CPNE4: variants seen among roughly 807,000 people sequenced by gnomAD.
The protein encoded by CPNE4 is copine-4.
A neutral mutation model predicts 67.9 loss-of-function variants in CPNE4; 25 were observed. The ratio of observed to expected loss-of-function variants is 0.37; its 90% CI spans 0.27 to 0.51. CPNE4 has a LOEUF of 0.51. Ranked by LOEUF, CPNE4 falls within the 20% of genes least tolerant of loss-of-function variation. The probability of loss-of-function intolerance (pLI) is 0.93; values close to 1 mark genes in which losing one functional copy is unlikely to be tolerated. For missense variants in CPNE4, 464 were observed against 690.8 expected (o/e 0.67, Z 3.68); for synonymous variants, 242 against 244.9 (o/e 0.99, Z 0.11).
chr3:131,632,979 G>A (rs530484124), intron 7 of CPNE4, among the ~76,000 whole-genome samples: 1 of 152,022 alleles, frequency 6.6e-6, no homozygotes, highest in Admixed American at 6.6e-5. Flanking sequence ...CCCCTGAACT[G>A]CTGTCTACTC....
chr3:131,751,453 T>C (rs997210448), intron 2 of CPNE4, among the ~76,000 whole-genome samples: 1 of 152,148 alleles, frequency 6.6e-6, no homozygotes, highest in African/African-American at 2.4e-5. Flanking sequence ...AGCTTTTTAA[T>C]ACCAGTTGTT....
At position 131,927,906 on chromosome 3, in the gene CPNE4, A is replaced by G. The variant is rs181643419; in HGVS notation, c.-1-22462T>C. Among the ~76,000 whole-genome samples, 21 of 152,260 alleles carry G rather than the reference A, an allele frequency of 1.4e-4. No homozygotes were observed. In the East Asian group the frequency reaches 4.1e-3, roughly 29 times the overall value. On this transcript the variant is annotated intron_variant, in intron 1 of 15. Coordinates refer to ENST00000429747, the MANE Select transcript of CPNE4 (RefSeq NM_130808.3). ...GAAAAGTAGTTTTGATATTTTTTCT[A>G]TTTGCATTATTGATGTCATTAACTG... is the stretch of plus-strand genomic sequence containing the variant.
chr3:132,022,071 A>C (rs140041373), intron 1 of CPNE4, among the ~76,000 whole-genome samples: 103 of 152,318 alleles, frequency 6.8e-4, no homozygotes, highest in African/African-American at 1.9e-3. Context: ...TTTCTGCTGA[A>C]GACAGCAAGT....
At chr3:131,982,043 C>T (rs1269301046) in intron 1 of CPNE4, among the ~76,000 whole-genome samples, 1 of 152,150 alleles carries the variant, frequency 6.6e-6, no homozygotes, top group Non-Finnish European at 1.5e-5. Flanking sequence ...ATATGAGCCC[C>T]CGCACACTGC....
chr3:131,710,722 A>T (rs2081536831), intron 3 of CPNE4, among the ~76,000 whole-genome samples: 1 of 152,178 alleles, frequency 6.6e-6, no homozygotes, highest in South Asian at 2.1e-4. Context: ...GACCCCCTGA[A>T]AATCAGTTTC....
chr3:131,829,226 A>C (rs920115413), intron 2 of CPNE4, among the ~76,000 whole-genome samples: 1 of 152,238 alleles, frequency 6.6e-6, no homozygotes. Context: ...GAATACTGGG[A>C]GATACAATTC....
intron 7 of CPNE4, among the ~76,000 whole-genome samples, chr3:131,657,810 C>G (rs895459373): frequency 6.6e-6 from 1 of 151,718 alleles, no homozygotes; most frequent in Non-Finnish European, 1.5e-5. Flanking sequence ...GTGATCTGCC[C>G]GCCTCAGCCT....
intron 1 of CPNE4, among the ~76,000 whole-genome samples, chr3:131,982,251 GAGCCATTTTA>G (rs2072926830): frequency 1.3e-5 from 2 of 152,164 alleles, no homozygotes; most frequent in African/African-American, 2.4e-5. Context: ...CTTAACAGAT[GAGCCATTTTA>G]AACTGGTTAA....
chr3:132,008,747 C>T (rs2073669608), intron 1 of CPNE4, among the ~76,000 whole-genome samples: 1 of 151,978 alleles, frequency 6.6e-6, no homozygotes, highest in African/African-American at 2.4e-5. Context: ...GCTCCAAAAA[C>T]TTATGTTTTT....
Position 131,880,131 on chromosome 3 carries a change from TA to T in CPNE4, c.180+25132del, listed in dbSNP as rs1367924994. ...GGCATATAGTATATATATATATACA[TA>T]TTTTTTTTTTTTGAGACGGAGTTTT... On this transcript the variant is annotated intron_variant, in intron 2 of 15. Transcript: ENST00000429747. Among the ~76,000 whole-genome samples the T allele has an allele frequency of 1.5e-3, 36 of 23,862 alleles. 2 individuals are homozygous for T. The highest frequency in any genetic ancestry group is 9.3e-3 in the Admixed American group (14 of 1,508). 15.7% of individuals were successfully genotyped at this position (23,862 alleles called of 152,430 possible). A position where few individuals can be genotyped will look rare whatever the true frequency, so the allele number is the denominator to read the frequency against.
At chr3:131,835,633 C>T (rs2085526506) in intron 2 of CPNE4, among the ~76,000 whole-genome samples, 1 of 152,094 alleles carries the variant, frequency 6.6e-6, no homozygotes, top group Non-Finnish European at 1.5e-5. Flanking sequence ...CCTAATAATA[C>T]CACCAAGGAC....
chr3:131,874,598 T>C (rs2087361471), intron 2 of CPNE4, among the ~76,000 whole-genome samples: 2 of 152,222 alleles, frequency 1.3e-5, no homozygotes, highest in Admixed American at 1.3e-4. Flanking sequence ...AACTTTGCTG[T>C]AGAGATTAAA....
chr3:131,920,252 A>G (rs2070703378), intron 1 of CPNE4, among the ~76,000 whole-genome samples: 1 of 152,168 alleles, frequency 6.6e-6, no homozygotes, highest in South Asian at 2.1e-4. Flanking sequence ...TAGAAGGCCT[A>G]TGGAATTATA....
chr3:131,802,043 T>C (rs192380184), intron 2 of CPNE4, among the ~76,000 whole-genome samples: 80 of 152,200 alleles, frequency 5.3e-4, no homozygotes, highest in Admixed American at 2.3e-3. Flanking sequence ...TAAATCAGGC[T>C]ATGCATCTAA....
At chr3:131,803,065 G>A (rs2084188597) in intron 2 of CPNE4, among the ~76,000 whole-genome samples, 1 of 152,174 alleles carries the variant, frequency 6.6e-6, no homozygotes, top group African/African-American at 2.4e-5. Flanking sequence ...TTCCAGGGAG[G>A]TAGTGAAAGG....
At chr3:131,571,713 C>G (rs1937346149) in intron 10 of CPNE4, among the ~76,000 whole-genome samples, 1 of 151,910 alleles carries the variant, frequency 6.6e-6, no homozygotes, top group African/African-American at 2.4e-5. Flanking sequence ...CTCGTTCCCC[C>G]ATCACCACCA....
chr3:131,875,822 C>A (rs931326433), intron 2 of CPNE4, among the ~76,000 whole-genome samples: 2 of 123,302 alleles, frequency 1.6e-5, no homozygotes, highest in Admixed American at 1.8e-4. Context: ...TACCCTAAAA[C>A]TTAAAGTATA....
chr3:131,805,879 A>T (rs781504022), intron 2 of CPNE4, among the ~76,000 whole-genome samples: 2 of 152,250 alleles, frequency 1.3e-5, no homozygotes, highest in African/African-American at 4.8e-5. Context: ...TCTGCCTGTC[A>T]TATCTATGAA....
intron 1 of CPNE4, among the ~76,000 whole-genome samples, chr3:131,950,312 C>A (rs1036683832): frequency 6.6e-6 from 1 of 152,216 alleles, no homozygotes; most frequent in African/African-American, 2.4e-5. Flanking sequence ...CATCTATTTT[C>A]TCAGTAACCC....
Sources: gnomAD v4.1 joint callset for allele counts (sites outside exome capture counted in the v4.1 genomes callset) on GRCh38, gnomAD v4.1.1 for gene constraint, MANE v1.5 for transcripts, NCBI Gene and HGNC (gene_info 2026-07-23, HGNC 2026-07-21) for gene names.